DISP1: variants seen among roughly 807,000 people sequenced by gnomAD.
DISP1 encodes protein dispatched homolog 1.
A neutral mutation model predicts 37.3 loss-of-function variants in DISP1; 30 were observed. The ratio of observed to expected loss-of-function variants is 0.80; its 90% CI spans 0.60 to 1.09. The LOEUF (loss-of-function observed/expected upper bound fraction) is 1.09. DISP1 is among the 50% of genes least tolerant of loss of function. The probability of loss-of-function intolerance (pLI) is 0.00; values close to 1 mark genes in which losing one functional copy is unlikely to be tolerated. For synonymous variants in DISP1, 634 were observed against 690.2 expected (o/e 0.92, Z 1.28); for missense variants, 1,598 against 1,879.5 (o/e 0.85, Z 2.77).
chr1:222,917,582 G>T (rs1013418075), intron 1 of DISP1, among the ~76,000 whole-genome samples: 2 of 152,114 alleles, frequency 1.3e-5, no homozygotes, highest in Admixed American at 1.3e-4. Flanking sequence ...TTGGAATTTG[G>T]TTCATATTGT....
At chr1:222,870,044 G>GT (rs1460501437) in intron 1 of DISP1, among the ~76,000 whole-genome samples, 1 of 151,980 alleles carries the variant, frequency 6.6e-6, no homozygotes, top group Admixed American at 6.6e-5. Flanking sequence ...GCGGTGTTTG[G>GT]TTTTTTGTCC....
At chr1:222,817,249 G>A (rs188694903) in intron 1 of DISP1, among the ~76,000 whole-genome samples, 4 of 152,288 alleles carry the variant, frequency 2.6e-5, no homozygotes, top group East Asian at 1.9e-4. Flanking sequence ...TAAGTACAGC[G>A]AACTGCTGGC....
chr1:222,975,443 C>T (rs1677244462), intron 3 of DISP1, among the ~76,000 whole-genome samples: 1 of 152,142 alleles, frequency 6.6e-6, no homozygotes, highest in Non-Finnish European at 1.5e-5. Context: ...ACAAGCTCCC[C>T]TTCTCCTTCC....
chr1:222,886,633 G>A (rs569975524), intron 1 of DISP1, among the ~76,000 whole-genome samples: 2 of 152,324 alleles, frequency 1.3e-5, no homozygotes, highest in African/African-American at 4.8e-5. Context: ...TGTCAATTCT[G>A]AAGGTATAGG....
intron 3 of DISP1, among the ~76,000 whole-genome samples, chr1:222,975,230 G>A (rs993158564): frequency 1.3e-5 from 2 of 151,724 alleles, no homozygotes; most frequent in African/African-American, 4.8e-5. Flanking sequence ...TCACTATCAC[G>A]CCCAGGCCAG....
At position 222,893,741 on chromosome 1, in the gene DISP1, C is replaced by T. The variant is rs939082822; in HGVS notation, c.-158-34689C>T. On this transcript the variant is annotated intron_variant, in intron 1 of 8. Transcript: ENST00000675850. The surrounding 1 kb of genome is among the most constrained non-coding windows in gnomAD (Gnocchi z 4.3). ...AAAGAGAGTGTCACAACCCTGGCTC[C>T]GGGAGCTCCTAGATGTGGGCTCCCT... is the stretch of plus-strand genomic sequence containing the variant. Among the ~76,000 whole-genome samples the T allele has an allele frequency of 5.9e-5, 9 of 152,160 alleles. No homozygotes were observed. The South Asian group carries it at 8.3e-4, about 14-fold the overall frequency.
At chr1:222,945,879 T>C (rs1269125129) in intron 3 of DISP1, 2 of 152,144 alleles carry the variant, frequency 1.3e-5, no homozygotes, top group East Asian at 1.9e-4. Flanking sequence ...TTGACACCCA[T>C]GGAGAAGTTG....
intron 1 of DISP1, among the ~76,000 whole-genome samples, chr1:222,871,277 C>T (rs1669556000): frequency 6.6e-6 from 1 of 152,116 alleles, no homozygotes; most frequent in Non-Finnish European, 1.5e-5. Flanking sequence ...AATGTGGGCT[C>T]TTTTTTGGTT....
chr1:222,891,990 A>G (rs1341008459), intron 1 of DISP1, among the ~76,000 whole-genome samples: 1 of 152,102 alleles, frequency 6.6e-6, no homozygotes, highest in African/African-American at 2.4e-5. Flanking sequence ...AAGAAAATTA[A>G]TGGGGGTGGG....
At chr1:222,952,462 TTTG>T (rs1005036817) in intron 3 of DISP1, among the ~76,000 whole-genome samples, 50 of 152,270 alleles carry the variant, frequency 3.3e-4, no homozygotes, top group African/African-American at 1.2e-3. Context: ...TGAATACTTT[TTTG>T]TTGTTGTTGT....
intron 8 of DISP1, 30 bp downstream of exon 8, chr1:222,995,012 A>T: frequency 6.5e-7 from 1 of 1,528,224 alleles, no homozygotes. Context: ...AAATCTCCTT[A>T]GCACAAATAA....
At position 222,840,557 on chromosome 1, in the gene DISP1, CTTTTT is replaced by C. The variant is rs71176702; in HGVS notation, c.-159+25495_-159+25499del. Among the ~76,000 whole-genome samples the C allele has an allele frequency of 7.3e-3, 845 of 116,088 alleles. 10 individuals are homozygous for C. The highest frequency in any genetic ancestry group is 0.025 in the African/African-American group (785 of 31,294). The allele number at this position is 116,088 out of a possible 152,430, so 76.2% of individuals were successfully genotyped here. ...ATGCCTGGCCATTAGTACAGTATCT[CTTTTT>C]TTTTTTTTTTTTTTTCCCTGAGACA... is the stretch of plus-strand genomic sequence containing the variant. On this transcript the variant is annotated intron_variant, in intron 1 of 8. Transcript: ENST00000675850.
chr1:222,937,273 G>T (rs1183069414), intron 2 of DISP1, among the ~76,000 whole-genome samples: 1 of 151,148 alleles, frequency 6.6e-6, no homozygotes, highest in Non-Finnish European at 1.5e-5. Context: ...TGTATTTTTA[G>T]TAGAGACGAG....
intron 1 of DISP1, among the ~76,000 whole-genome samples, chr1:222,835,451 C>T (rs1205361503): frequency 1.3e-5 from 2 of 152,004 alleles, no homozygotes; most frequent in Admixed American, 1.3e-4. Flanking sequence ...ATGACATGAA[C>T]AATGTAAATA....
intron 3 of DISP1, chr1:222,945,601 C>T (rs1276019782): frequency 6.6e-6 from 1 of 151,864 alleles, no homozygotes; most frequent in East Asian, 1.9e-4. Flanking sequence ...AATTCAAAAG[C>T]AGTGAGATCC....
intron 1 of DISP1, among the ~76,000 whole-genome samples, chr1:222,906,507 T>C (rs1431329663): frequency 1.3e-5 from 2 of 152,200 alleles, no homozygotes; most frequent in Non-Finnish European, 2.9e-5. Flanking sequence ...CACAAGATAC[T>C]GGTCATAAAG....
chr1:222,898,805 G>T (rs760050841), intron 1 of DISP1, among the ~76,000 whole-genome samples: 2 of 151,840 alleles, frequency 1.3e-5, no homozygotes, highest in Non-Finnish European at 2.9e-5. Context: ...TTCAGGGTTT[G>T]GTTATATTAT....
chr1:222,852,200 T>G (rs1668286866), intron 1 of DISP1, among the ~76,000 whole-genome samples: 1 of 149,920 alleles, frequency 6.7e-6, no homozygotes, highest in Non-Finnish European at 1.5e-5. Context: ...AATAAATAAA[T>G]AAATTTACTG....
Position 223,004,224 on chromosome 1 carries a change from T to C in DISP1, c.2827T>C (p.Phe943Leu). The C allele has an allele frequency of 6.2e-7, 1 of 1,614,058 alleles. No individual in the cohort carries two copies. Among genetic ancestry groups the C allele is most frequent in the Non-Finnish European group, 8.5e-7 (1 of 1,180,000 alleles). The change falls in exon 9 of 9, where the codon TTT becomes CTT. Residue 943 changes from phenylalanine (F) to leucine (L), a missense_variant. By Grantham distance (22) the Phe-to-Leu change is conservative (BLOSUM62 0). Coordinates refer to ENST00000675850, the MANE Select transcript of DISP1 (RefSeq NM_001377229.1). This position sits in a 1 kb window ranked among gnomAD's most constrained non-coding sequence, Gnocchi z 4.9. ...ACTGGCTTATGAAAAGATGCATCAG[T>C]TTTATAAAGAGGTGGACTCGTGGAT... ...FTLAYEKMHQ[F>L]YKEVDSWISS...
Sources: allele counts gnomAD v4.1 joint callset (sites outside exome capture counted in the v4.1 genomes callset), GRCh38; gene constraint gnomAD v4.1.1; non-coding constraint Gnocchi (gnomAD v3.1); transcripts MANE v1.5; gene names NCBI Gene and HGNC (gene_info 2026-07-23, HGNC 2026-07-21).